L3MBTL1: variants seen among roughly 807,000 people sequenced by gnomAD.
The protein encoded by L3MBTL1 is L3MBTL histone methyl-lysine binding protein 1, also known as lethal(3)malignant brain tumor-like protein 1.
A neutral mutation model predicts 105.3 loss-of-function variants in L3MBTL1; 75 were observed. That is an observed-to-expected ratio of 0.71 (90% CI 0.59 to 0.86). The LOEUF is 0.86. Among genes scored for constraint, L3MBTL1 ranks in the 40% least tolerant of loss-of-function variants. The probability of loss-of-function intolerance (pLI) is 0.00; values close to 1 mark genes in which losing one functional copy is unlikely to be tolerated. For missense variants in L3MBTL1, 1,069 were observed against 1,126.4 expected (o/e 0.95, Z 0.73); for synonymous variants, 452 against 436.2 (o/e 1.04, Z -0.45).
intron 7 of L3MBTL1, among the ~76,000 whole-genome samples, chr20:43,522,078 C>T (rs908797339): frequency 6.6e-6 from 1 of 152,152 alleles, no homozygotes; most frequent in African/African-American, 2.4e-5. Context: ...AGAAAGAGGC[C>T]AGGTGCAGTG....
In L3MBTL1 at chr20:43,513,617, C is replaced by G. The variant is rs879224257; in HGVS notation, c.114C>G (p.Pro38=). Residue 38 remains proline (P), a synonymous_variant, in exon 2 of 22, where the codon CCC becomes CCG. Transcript: ENST00000418998. ...GCCCCGGTTCTGGTCCTCACCTGCC[C>G]GCAACTGCCTTCATCATTCCAGGTG... The part of the protein sequence containing the change: ...GDSPGSGPHL[P]ATAFIIPASS... The G allele has an allele frequency of 2.6e-6, 4 of 1,550,582 alleles. No homozygotes were observed. The East Asian group carries it at 9.8e-5, about 38-fold the overall frequency.
At chr20:43,515,484 C>G in intron 6 of L3MBTL1, 69 bp downstream of exon 6, 1 of 1,511,624 alleles carries the variant, frequency 6.6e-7, no homozygotes, top group Non-Finnish European at 8.9e-7. Context: ...CTGTCCCCTC[C>G]ATCAATCCAG....
At position 43,513,614 on chromosome 20, in the gene L3MBTL1, G is replaced by A; in HGVS notation, c.111G>A (p.Leu37=). Residue 37 remains leucine (L), a synonymous_variant, in exon 2 of 22, where the codon CTG becomes CTA. Transcript: ENST00000418998. ...ACAGCCCCGGTTCTGGTCCTCACCT[G>A]CCCGCAACTGCCTTCATCATTCCAG... ...AGDSPGSGPH[L]PATAFIIPAS... 1 of 1,550,644 alleles carries A rather than the reference G, an allele frequency of 6.4e-7. No homozygotes were observed. The highest frequency in any genetic ancestry group is 8.7e-7 in the Non-Finnish European group (1 of 1,146,994).
At chr20:43,510,406 C>CTTTTTTTTT (rs11476429) in intron 1 of L3MBTL1, among the ~76,000 whole-genome samples, 3 of 127,560 alleles carry the variant, frequency 2.4e-5, no homozygotes, top group Non-Finnish European at 3.2e-5. Context: ...TTCTTTCTTT[C>CTTTTTTTTT]TTTTTTTTTT....
intron 20 of L3MBTL1, 61 bp downstream of exon 20, chr20:43,540,369 C>T: frequency 6.3e-7 from 1 of 1,579,390 alleles, no homozygotes; most frequent in Non-Finnish European, 8.6e-7. Context: ...TCACCATACC[C>T]TGGTGGAAAG....
At chr20:43,528,418 C>G (rs539853934) in intron 7 of L3MBTL1, among the ~76,000 whole-genome samples, 1 of 152,290 alleles carries the variant, frequency 6.6e-6, no homozygotes, top group Non-Finnish European at 1.5e-5. Flanking sequence ...CTTCTGCTGA[C>G]AGTGGCCTGA....
rs761168787 is a variant in L3MBTL1 at position 43,540,758 on chromosome 20, C to A, written c.2337C>A (p.Phe779Leu). 1.9e-6 allele frequency: 3 copies of A among 1,614,138 alleles called. No individual in the cohort carries two copies. In the East Asian group the frequency reaches 6.7e-5, roughly 36 times the overall value. Reference protein sequence around the residue: ...TVAKWTIDEVFGFVQTLTGCE... With the variant: ...TVAKWTIDEVLGFVQTLTGCE... ...TGTCATCTTTGGTTTCCAAGGTCTT[C>A]GGCTTTGTTCAGACCCTGACAGGTT... Residue 779 changes from phenylalanine (F) to leucine (L), a missense_variant, in exon 21 of 22, where the codon TTC (phenylalanine) becomes TTA (leucine). Physicochemically the swap from Phe to Leu is conservative, Grantham distance 22. Coordinates refer to ENST00000418998, the MANE Select transcript of L3MBTL1 (RefSeq NM_001377303.1).
intron 4 of L3MBTL1, 47 bp from the exon 5 acceptor site, chr20:43,514,962 G>C: frequency 6.3e-7 from 1 of 1,598,624 alleles, no homozygotes; most frequent in South Asian, 1.1e-5. Context: ...GAGCCTGAGT[G>C]TGGCTGCGAT....
At chr20:43,529,092 G>A (rs369767762) in intron 8 of L3MBTL1, 172 bp from the exon 9 acceptor site, 11 of 618,882 alleles carry the variant, frequency 1.8e-5, no homozygotes, top group South Asian at 1.6e-4. Context: ...AGGGACCTGG[G>A]AGATATTCTC....
At chr20:43,523,056 C>T (rs1157490398) in intron 7 of L3MBTL1, among the ~76,000 whole-genome samples, 4 of 151,478 alleles carry the variant, frequency 2.6e-5, no homozygotes, top group African/African-American at 4.9e-5. Context: ...TGCAGTGAGC[C>T]GAGATCCGCC....
chr20:43,536,481 T>G (rs1405307802), intron 19 of L3MBTL1, 23 bp downstream of exon 19: 1 of 1,612,918 alleles, frequency 6.2e-7, no homozygotes, highest in Non-Finnish European at 8.5e-7. Context: ...TATCTGCTCC[T>G]ATGTCCTCCA....
intron 16 of L3MBTL1, among the ~76,000 whole-genome samples, chr20:43,535,433 G>T (rs2019556285): frequency 6.6e-6 from 1 of 152,186 alleles, no homozygotes. Context: ...GATCCTTCTT[G>T]AATGTTCTCC....
chr20:43,515,181 C>T (rs760876091), intron 5 of L3MBTL1, 22 bp downstream of exon 5: 12 of 1,614,094 alleles, frequency 7.4e-6, no homozygotes, highest in Admixed American at 1.7e-5. Flanking sequence ...AGGTCGCAGC[C>T]CTACTTGCTC....
At chr20:43,540,096 C>T (rs773836912) in intron 19 of L3MBTL1, 55 bp from the exon 20 acceptor site, 8 of 1,600,350 alleles carry the variant, frequency 5.0e-6, no homozygotes, top group South Asian at 1.1e-5. Context: ...GCATGGGCTT[C>T]GGGAACAGTT....
intron 1 of L3MBTL1, among the ~76,000 whole-genome samples, chr20:43,512,739 A>G (rs2018167159): frequency 6.6e-6 from 1 of 152,226 alleles, no homozygotes. Flanking sequence ...AATAGATATT[A>G]AGTATATTCT....
At chr20:43,519,291 T>G (rs1159667190) in intron 7 of L3MBTL1, among the ~76,000 whole-genome samples, 1 of 128,994 alleles carries the variant, frequency 7.8e-6, no homozygotes, top group Non-Finnish European at 1.6e-5. Flanking sequence ...GAGCTGAGAG[T>G]GCACCACTGC....
rs143129523 is a variant in L3MBTL1 at position 43,534,011 on chromosome 20, A to G, written c.1517A>G (p.Tyr506Cys). The change falls in exon 14 of 22, where the codon TAC (tyrosine) becomes TGC (cysteine). Residue 506 changes from tyrosine (Y) to cysteine (C), a missense_variant. Coordinates refer to ENST00000418998, the MANE Select transcript of L3MBTL1 (RefSeq NM_001377303.1). ...TTGCTCTCATCCTCTCCTCCAGACTACCCAGACCCTGATAACTTCTGTTGG... is the reference window on the plus strand; with the variant it reads ...TTGCTCTCATCCTCTCCTCCAGACTGCCCAGACCCTGATAACTTCTGTTGG... The part of the protein sequence containing the change: ...QGKPLTPPQD[Y>C]PDPDNFCWEK... 15 of 1,613,290 alleles carry G rather than the reference A, an allele frequency of 9.3e-6. No homozygotes were observed. In the African/African-American group the frequency reaches 1.7e-4, roughly 19 times the overall value.
intron 7 of L3MBTL1, among the ~76,000 whole-genome samples, chr20:43,526,139 G>T (rs969331219): frequency 6.6e-6 from 1 of 152,174 alleles, no homozygotes; most frequent in Non-Finnish European, 1.5e-5. Flanking sequence ...AGCAAGCTGA[G>T]AATTGAAGCA....
intron 12 of L3MBTL1, 120 bp from the exon 13 acceptor site, chr20:43,533,222 C>A: frequency 1.2e-6 from 1 of 861,392 alleles, no homozygotes; most frequent in Non-Finnish European, 1.8e-6. Context: ...TTTGTCCTTG[C>A]CATCTGTCTC....
Sources: gnomAD v4.1 joint callset for allele counts (sites outside exome capture counted in the v4.1 genomes callset) on GRCh38, gnomAD v4.1.1 for gene constraint, MANE v1.5 for transcripts, NCBI Gene and HGNC (gene_info 2026-07-23, HGNC 2026-07-21) for gene names.